The following FUS variants were observed in gnomAD, a reference collection of about 807,000 sequenced individuals.
The protein encoded by FUS is FUS RNA binding protein.
FUS carries 5 observed loss-of-function variants against 82.7 expected under a neutral mutation model. That is an observed-to-expected ratio of 0.06 (90% CI 0.03 to 0.13). The LOEUF is 0.13. Ranked by LOEUF, FUS falls within the 10% of genes least tolerant of loss-of-function variation. The pLI is 1.00. For missense variants in FUS, 512 were observed against 707.8 expected, an observed-to-expected ratio of 0.72 and a Z score of 3.14; for synonymous variants, 281 against 247.4, an observed-to-expected ratio of 1.14 and a Z score of -1.27.
At position 31,190,521 on chromosome 16, in the gene FUS, T is replaced by G. The variant is rs2079338718; in HGVS notation, c.1292+123T>G. 7.4e-6 allele frequency: 11 copies of G among 1,485,662 alleles called. No individual in the cohort carries two copies. In the South Asian group the frequency reaches 9.1e-5, roughly 12 times the overall value. 92.0% of individuals were successfully genotyped at this position (1,485,662 alleles called of 1,614,324 possible). A position where few individuals can be genotyped will look rare whatever the true frequency, so the allele number is the denominator to read the frequency against. On this transcript the variant is annotated intron_variant, in intron 12 of 14. Transcript: ENST00000254108. ...CAAGGCCACACTGTTGGGGTCAGAT[T>G]TAGCCAAAAGCTTACCTAGGTAAGG... is the stretch of plus-strand genomic sequence containing the variant.
intron 8 of FUS, chr16:31,188,761 G>A (rs2144129005): frequency 2.1e-6 from 1 of 468,998 alleles, no homozygotes; most frequent in East Asian, 3.8e-5. Flanking sequence ...TTGTATTGAT[G>A]TTTGTGTACT....
At position 31,183,839 on chromosome 16, in the gene FUS, C is replaced by T; in HGVS notation, c.191-19C>T. 6.2e-7 allele frequency: 1 copy of T among 1,614,164 alleles called. No homozygotes were observed. The highest frequency in any genetic ancestry group is 8.5e-7 in the Non-Finnish European group (1 of 1,180,030). On this transcript the variant is annotated intron_variant, in intron 3 of 14. Coordinates refer to ENST00000254108, the MANE Select transcript of FUS (RefSeq NM_004960.4). ...CTTTCCTGGTGGCTTTTGTGACTCC[C>T]TTTTTCTTATCCTGGTAGCAGGCTA...
chr16:31,183,658 A>G (rs562564005), intron 3 of FUS, 200 bp from the exon 4 acceptor site: 3 of 645,266 alleles, frequency 4.6e-6, no homozygotes, highest in Admixed American at 2.3e-5. Flanking sequence ...TTGGAACTGT[A>G]CTAAAGAGTT....
chr16:31,192,192 TGTACTCA>T (rs1178939708), downstream of FUS: 2 of 527,922 alleles, frequency 3.8e-6, no homozygotes, highest in African/African-American at 3.7e-5. Context: ...ACATCCTGCC[TGTACTCA>T]GAGGGCTTGA....
At chr16:31,187,152 C>G in intron 7 of FUS, 2 of 460,118 alleles carry the variant, frequency 4.3e-6, no homozygotes, top group Non-Finnish European at 4.0e-6. Context: ...CTGGAGAGTG[C>G]GTGCTGGAAC....
intron 6 of FUS, 97 bp downstream of exon 6, chr16:31,185,276 C>A: frequency 1.4e-6 from 2 of 1,381,980 alleles, no homozygotes; most frequent in Non-Finnish European, 1.9e-6. Context: ...GTTTAGTATT[C>A]TTGTTGTCTA....
chr16:31,187,604 G>A (rs768374779), intron 7 of FUS: 3 of 231,218 alleles, frequency 1.3e-5, no homozygotes, highest in Non-Finnish European at 1.7e-5. Flanking sequence ...TTTGTTTCAA[G>A]ATTTAAAGCC....
chr16:31,192,347 G>C (rs967125456), downstream of FUS: 2 of 526,392 alleles, frequency 3.8e-6, no homozygotes, highest in Non-Finnish European at 7.4e-6. Flanking sequence ...GTGCTCCTCA[G>C]CCTCTTACCA....
chr16:31,194,858 T>G (rs1377166695), downstream of FUS: 1 of 474,902 alleles, frequency 2.1e-6, no homozygotes, highest in Non-Finnish European at 4.2e-6. Flanking sequence ...TTGACTTCAG[T>G]CATTCAGTAA....
intron 14 of FUS, 21 bp from the exon 15 acceptor site, chr16:31,191,376 AAT>A (rs1567478963): frequency 2.6e-5 from 40 of 1,555,186 alleles, no homozygotes; most frequent in Non-Finnish European, 3.5e-5. Flanking sequence ...ATGGATACTT[AAT>A]TTTTTTTTTT....
chr16:31,190,381 C>T lies in FUS; in HGVS notation c.1275C>T (p.Asp425=), dbSNP rs1330327458. ...GGGGGQQRAG[D]WKCPNPTCEN... is the part of the protein sequence containing the mutation. ...GTGGAGGACAGCAGCGAGCTGGTGA[C>T]TGGAAGTGTCCTAATCCGTGAGTGA... The change falls in exon 12 of 15, where the codon GAC becomes GAT. Residue 425 remains aspartate, a synonymous_variant. Coordinates refer to ENST00000254108, the MANE Select transcript of FUS (RefSeq NM_004960.4). The T allele has an allele frequency of 2.5e-6, 4 of 1,614,144 alleles. No individual in the cohort carries two copies. Among genetic ancestry groups the T allele is most frequent in the African/African-American group, 1.3e-5 (1 of 75,020 alleles).
Position 31,182,584 on chromosome 16 carries a change from G to A in FUS, c.110G>A (p.Ser37Asn). 1 of 1,614,206 alleles carries A rather than the reference G, an allele frequency of 6.2e-7. No homozygotes were observed. Among genetic ancestry groups the A allele is most frequent in the Non-Finnish European group, 8.5e-7 (1 of 1,180,036 alleles). ...QQSSQPYGQQSYSGYSQSTDT... is the reference protein window; with the variant it reads ...QQSSQPYGQQNYSGYSQSTDT... Reference sequence around the variant, plus strand: ...AGCAGTCAGCCCTACGGACAGCAGAGTTACAGTGGTTATAGCCAGTCCACG... The same window carrying A: ...AGCAGTCAGCCCTACGGACAGCAGAATTACAGTGGTTATAGCCAGTCCACG... Residue 37 changes from serine to asparagine, a missense_variant, in exon 3 of 15, where the codon AGT becomes AAT. Around this residue, in one of 6 missense-constraint regions of FUS, gnomAD observed 276 missense variants for 303.3 expected, o/e 0.91. Transcript: ENST00000254108.
chr16:31,187,018 A>G lies in FUS; in HGVS notation c.799+182A>G, dbSNP rs1022430817. ...TGGTGTGTGCTAACCTGGAGCAGGT[A>G]GGGGTAAGACTCAATAGTCATCTTT... is the stretch of plus-strand genomic sequence containing the variant. On this transcript the variant is annotated intron_variant, in intron 7 of 14. Coordinates refer to ENST00000254108, the MANE Select transcript of FUS (RefSeq NM_004960.4). 5 of 681,844 alleles carry G rather than the reference A, an allele frequency of 7.3e-6. No individual in the cohort carries two copies. The East Asian group carries it at 8.1e-5, about 11-fold the overall frequency. 42.2% of individuals were successfully genotyped at this position (681,844 alleles called of 1,614,324 possible).
chr16:31,185,081 T>C lies in FUS; in HGVS notation c.666T>C (p.Gly222=), dbSNP rs61732969. ...DRGGRGRGGS[G]GGGGGGGGGY... Reference sequence around the variant, plus strand: ...GAGGCCGCGGCAGGGGTGGCAGTGGTGGCGGCGGCGGCGGCGGCGGTGGTG... The same window carrying C: ...GAGGCCGCGGCAGGGGTGGCAGTGGCGGCGGCGGCGGCGGCGGCGGTGGTG... Residue 222 remains glycine, a synonymous_variant, in exon 6 of 15, where the codon GGT becomes GGC. Coordinates refer to ENST00000254108, the MANE Select transcript of FUS (RefSeq NM_004960.4). The C allele has an allele frequency of 9.3e-6, 15 of 1,607,448 alleles. No homozygotes were observed. Among genetic ancestry groups the C allele is most frequent in the Non-Finnish European group, 1.1e-5 (13 of 1,177,194 alleles).
chr16:31,184,894 A>G lies in FUS; in HGVS notation c.524-45A>G, dbSNP rs765286088. ...TTCAAACCTTTTAGTGCTACTTTAC[A>G]ATCTTTTTGTTTTTTTTTTTTAATC... On this transcript the variant is annotated intron_variant, in intron 5 of 14. Transcript: ENST00000254108. The G allele has an allele frequency of 4.4e-6, 7 of 1,587,062 alleles. No homozygotes were observed. In the South Asian group the frequency reaches 6.6e-5, roughly 15 times the overall value.
At chr16:31,194,605 A>G (rs1269177318), downstream of FUS, 2 of 494,352 alleles carry the variant, frequency 4.0e-6, no homozygotes, top group South Asian at 1.5e-5. Flanking sequence ...GTGTCCGGCT[A>G]TGAAAATTTT....
downstream of FUS, chr16:31,192,798 CTGACCTCAGG>C (rs2079378598): frequency 1.7e-5 from 8 of 481,080 alleles, no homozygotes; most frequent in East Asian, 4.0e-4. Flanking sequence ...CTCTTAACTC[CTGACCTCAGG>C]TGATCCACCT....
chr16:31,187,718 A>C (rs892083434), intron 7 of FUS: 7 of 234,470 alleles, frequency 3.0e-5, no homozygotes, highest in African/African-American at 1.5e-4. Context: ...GGAAAAACAA[A>C]ATAGAGGCTG....
At chr16:31,186,505 TCTG>T (rs1219938860) in intron 6 of FUS, 12 of 492,988 alleles carry the variant, frequency 2.4e-5, no homozygotes, top group African/African-American at 7.7e-5. Context: ...AAAAAAAACA[TCTG>T]CTCCATCGGA....
Sources: allele counts gnomAD v4.1 joint callset, GRCh38; gene constraint gnomAD v4.1.1; regional missense constraint gnomAD v4.1.1; transcripts MANE v1.5; gene names NCBI Gene and HGNC (gene_info 2026-07-23, HGNC 2026-07-21).